PAMR1: variants seen among roughly 807,000 people sequenced by gnomAD.
PAMR1 encodes peptidase domain containing associated with muscle regeneration 1, also known as inactive serine protease PAMR1.
PAMR1 carries 88 observed loss-of-function variants against 81.8 expected under a neutral mutation model. That is an observed-to-expected ratio of 1.08 (90% confidence interval 0.91 to 1.28). The LOEUF (loss-of-function observed/expected upper bound fraction) is 1.28, where lower values mean the gene tolerates loss of function less well. Ranked by LOEUF, PAMR1 falls within the 50% of genes most tolerant of loss-of-function variation. The pLI is 0.00. For missense variants in PAMR1, 935 were observed against 919.7 expected (o/e 1.02, Z -0.21); for synonymous variants, 336 against 345.3 (o/e 0.97, Z 0.30).
At chr11:35,435,350 C>A (rs910667640) in intron 9 of PAMR1, among the ~76,000 whole-genome samples, 1 of 152,074 alleles carries the variant, frequency 6.6e-6, no homozygotes, top group Non-Finnish European at 1.5e-5. Flanking sequence ...GTAATTAATA[C>A]CTCATTACAT....
chr11:35,499,690 G>C (rs368677362), intron 1 of PAMR1, among the ~76,000 whole-genome samples: 1 of 151,770 alleles, frequency 6.6e-6, no homozygotes, highest in African/African-American at 2.4e-5. Flanking sequence ...CTCCATTACT[G>C]TTTACTCTAT....
intron 5 of PAMR1, among the ~76,000 whole-genome samples, chr11:35,468,936 A>C (rs1246844021): frequency 6.6e-6 from 1 of 152,244 alleles, no homozygotes; most frequent in Admixed American, 6.5e-5. Flanking sequence ...CTTGCTCAAA[A>C]CATGACAAGG....
intron 3 of PAMR1, among the ~76,000 whole-genome samples, chr11:35,476,363 A>T (rs1850284926): frequency 6.6e-6 from 1 of 152,130 alleles, no homozygotes; most frequent in Non-Finnish European, 1.5e-5. Flanking sequence ...ACCTGGTGGG[A>T]TGTAATTTAA....
At chr11:35,505,530 T>G (rs1850933111) in intron 1 of PAMR1, among the ~76,000 whole-genome samples, 1 of 152,122 alleles carries the variant, frequency 6.6e-6, no homozygotes, top group African/African-American at 2.4e-5. Context: ...TATTGTTGGG[T>G]GCATACATTG....
chr11:35,456,867 G>A lies in PAMR1; in HGVS notation c.820+11134C>T, dbSNP rs1319667326. Among the ~76,000 whole-genome samples the A allele has an allele frequency of 3.9e-5, 6 of 152,306 alleles. No individual in the cohort carries two copies. In the East Asian group the frequency reaches 1.2e-3, roughly 29 times the overall value. On this transcript the variant is annotated intron_variant, in intron 6 of 10. Coordinates refer to ENST00000619888, the MANE Select transcript of PAMR1 (RefSeq NM_001001991.3). ...TAAACTTGCTCTTACACACAGAGAA[G>A]AGCTTGTGCATGTGCACACGTGTGT...
intron 6 of PAMR1, among the ~76,000 whole-genome samples, chr11:35,452,968 C>A (rs2135357201): frequency 6.6e-6 from 1 of 152,242 alleles, no homozygotes; most frequent in Admixed American, 6.5e-5. Context: ...TCCCCAGTGT[C>A]CAGAGCAAGC....
chr11:35,441,682 TTTC>T lies in PAMR1; in HGVS notation c.829_831del (p.Glu277del). 2 of 1,608,622 alleles carry T rather than the reference TTTC, an allele frequency of 1.2e-6. No individual in the cohort carries two copies. The highest frequency in any genetic ancestry group is 1.7e-6 in the Non-Finnish European group (2 of 1,177,784). Reference sequence around the variant, plus strand: ...GGGCCCCCAGGGTCTGAGCAGTTTCTTTCTTCAAGGACTAAAAGAAAGTAAAAG... The same window carrying T: ...GGGCCCCCAGGGTCTGAGCAGTTTCTTTCAAGGACTAAAAGAAAGTAAAAG... On this transcript the variant is annotated inframe_deletion, in exon 7 of 11. Transcript: ENST00000619888.
At chr11:35,450,445 A>G (rs1268248914) in intron 6 of PAMR1, among the ~76,000 whole-genome samples, 1 of 152,224 alleles carries the variant, frequency 6.6e-6, no homozygotes, top group Non-Finnish European at 1.5e-5. Context: ...GATGGTATAA[A>G]AAGGGTAATG....
At chr11:35,505,388 G>A (rs986545679) in intron 1 of PAMR1, among the ~76,000 whole-genome samples, 1 of 152,190 alleles carries the variant, frequency 6.6e-6, no homozygotes, top group Non-Finnish European at 1.5e-5. Context: ...TAACTCCAAT[G>A]TTTCTTTATT....
chr11:35,448,307 C>T (rs1223882248), intron 6 of PAMR1, among the ~76,000 whole-genome samples: 1 of 152,030 alleles, frequency 6.6e-6, no homozygotes, highest in Non-Finnish European at 1.5e-5. Context: ...TTACATAATC[C>T]CATAGTTCTC....
At chr11:35,520,464 C>A (rs189018666) in intron 1 of PAMR1, among the ~76,000 whole-genome samples, 32 of 152,288 alleles carry the variant, frequency 2.1e-4, no homozygotes, top group Middle Eastern at 3.4e-3. Flanking sequence ...GTTGAGATGA[C>A]TGACAAACAG....
At chr11:35,466,485 T>C (rs980615303) in intron 6 of PAMR1, among the ~76,000 whole-genome samples, 1 of 152,038 alleles carries the variant, frequency 6.6e-6, no homozygotes, top group Admixed American at 6.6e-5. Flanking sequence ...CCCAGCACTT[T>C]GGGAGGCCGA....
chr11:35,436,106 G>A lies in PAMR1; in HGVS notation c.1130C>T (p.Ala377Val), dbSNP rs144584162. ...CTGCAGTTTCTGCTTGCTGAAGGCCGCTGAGTATAGCTGGTGTAATGGTGT... is the reference window on the plus strand; with the variant it reads ...CTGCAGTTTCTGCTTGCTGAAGGCCACTGAGTATAGCTGGTGTAATGGTGT... Reference protein sequence around the residue: ...RETPLHQLYSAAFSKQKLQSA... With the variant: ...RETPLHQLYSVAFSKQKLQSA... The change falls in exon 9 of 11, where the codon GCG (alanine) becomes GTG (valine). Residue 377 changes from alanine to valine, a missense_variant. Physicochemically the swap from Ala to Val is moderately conservative, Grantham distance 64. Transcript: ENST00000619888. 4.8e-5 allele frequency: 77 copies of A among 1,613,710 alleles called. No individual in the cohort carries two copies. The highest frequency in any genetic ancestry group is 4.4e-5 in the South Asian group (4 of 91,076).
chr11:35,499,758 T>C (rs186276134), intron 1 of PAMR1, among the ~76,000 whole-genome samples: 1 of 152,288 alleles, frequency 6.6e-6, no homozygotes, highest in African/African-American at 2.4e-5. Context: ...CCTCTTTACT[T>C]CATTATTATT....
chr11:35,526,249 C>T (rs1851388536), upstream of PAMR1, among the ~76,000 whole-genome samples: 1 of 152,164 alleles, frequency 6.6e-6, no homozygotes, highest in South Asian at 2.1e-4. Flanking sequence ...CTATGATCCC[C>T]GTCATGGTGA....
At chr11:35,461,639 AC>A (rs1856657479) in intron 6 of PAMR1, among the ~76,000 whole-genome samples, 1 of 151,990 alleles carries the variant, frequency 6.6e-6, no homozygotes, top group African/African-American at 2.4e-5. Context: ...ACACACCCAC[AC>A]ACACACACAC....
chr11:35,527,835 A>G (rs1020743068), upstream of PAMR1, among the ~76,000 whole-genome samples: 3 of 152,070 alleles, frequency 2.0e-5, no homozygotes, highest in African/African-American at 7.2e-5. Flanking sequence ...TTCTCTTCCC[A>G]AGACTTTGCT....
intron 3 of PAMR1, among the ~76,000 whole-genome samples, chr11:35,483,220 C>T (rs1307177525): frequency 6.6e-6 from 1 of 152,172 alleles, no homozygotes; most frequent in Non-Finnish European, 1.5e-5. Context: ...CCTTGAAATT[C>T]AAACCCCATA....
upstream of PAMR1, among the ~76,000 whole-genome samples, chr11:35,528,384 A>G (rs1482960480): frequency 1.3e-5 from 2 of 151,918 alleles, no homozygotes; most frequent in Non-Finnish European, 2.9e-5. Context: ...TCCCATTAGG[A>G]CCCCCATTTA....
Sources: gnomAD v4.1 joint callset for allele counts (sites outside exome capture counted in the v4.1 genomes callset) on GRCh38, gnomAD v4.1.1 for gene constraint, MANE v1.5 for transcripts, NCBI Gene and HGNC (gene_info 2026-07-23, HGNC 2026-07-21) for gene names.